The following PHF10 variants were observed in gnomAD, a reference collection of about 807,000 sequenced individuals.
PHF10 encodes the protein PHD finger protein 10, also known as BRG1-associated factor 45a.
In PHF10, 51 loss-of-function variants were observed where a neutral mutation model predicts 68.5. That is an observed-to-expected ratio of 0.74 (90% CI 0.59 to 0.94). The LOEUF (loss-of-function observed/expected upper bound fraction) is 0.94, where lower values mean the gene tolerates loss of function less well. Ranked by LOEUF, PHF10 falls within the 40% of genes least tolerant of loss-of-function variation. The pLI is 0.00. For missense variants in PHF10, 460 were observed against 602.6 expected, an observed-to-expected ratio of 0.76 and a Z score of 2.48; for synonymous variants, 204 against 203.5, an observed-to-expected ratio of 1.00 and a Z score of -0.02.
rs17860613 is a variant in PHF10, at chr6:169,715,683, G to A, written c.693+25C>T. 10,651 of 1,597,664 alleles carry A rather than the reference G, an allele frequency of 6.7e-3. 99 individuals are homozygous for A. The highest frequency in any genetic ancestry group is 0.038 in the African/African-American group (2,861 of 74,454). The stretch of plus-strand genomic sequence containing the variant: ...TAACAAGTAATAAACTAAGTTCAGG[G>A]GGTACTAAATTTAAGTTATCCTACA... On this transcript the variant is annotated intron_variant, in intron 6 of 11. Transcript: ENST00000339209.
chr6:169,705,202 TTTC>T lies in PHF10; in HGVS notation c.1339_1341del (p.Glu447del), dbSNP rs1380565441. ...CTGTCACACATATCACAGAACATCA[TTTC>T]TTCTTCATGGTGGGGTTGTCCACAT... On this transcript the variant is annotated inframe_deletion, in exon 11 of 12. Transcript: ENST00000339209. The T allele has an allele frequency of 5.0e-6, 8 of 1,613,892 alleles. No individual in the cohort carries two copies. Among genetic ancestry groups the T allele is most frequent in the South Asian group, 1.1e-5 (1 of 91,066 alleles).
chr6:169,712,360 T>C (rs1378521038), intron 8 of PHF10, 26 bp downstream of exon 8: 1 of 1,601,006 alleles, frequency 6.2e-7, no homozygotes, highest in East Asian at 2.2e-5. Flanking sequence ...AAGGAAATGC[T>C]TCCTACTAGA....
rs751486851 is a variant in PHF10, at chr6:169,710,371, T to C, written c.978A>G (p.Val326=). 2 of 1,612,738 alleles carry C rather than the reference T, an allele frequency of 1.2e-6. No homozygotes were observed. The highest frequency in any genetic ancestry group is 1.1e-5 in the South Asian group (1 of 91,042). The change falls in exon 9 of 12, where the codon GTA becomes GTG. Residue 326 remains valine (V), a synonymous_variant. Transcript: ENST00000339209. Reference sequence around the variant, plus strand: ...TGTCAGGAGGGCTTTCCCCTTCAGATACATTGCCAGAGGAGCTGTCCTGGA... The same window carrying C: ...TGTCAGGAGGGCTTTCCCCTTCAGACACATTGCCAGAGGAGCTGTCCTGGA... ...KGTSDSSSGN[V]SEGESPPDSQ...
chr6:169,714,647 C>A, intron 7 of PHF10, 86 bp downstream of exon 7: 1 of 748,124 alleles, frequency 1.3e-6, no homozygotes, highest in Non-Finnish European at 2.4e-6. Flanking sequence ...ATCTATAGAC[C>A]CCAAAATTGT....
Position 169,705,137 on chromosome 6 carries a change from T to C in PHF10, c.1407A>G (p.Pro469=), listed in dbSNP as rs768878678. The C allele has an allele frequency of 6.3e-7, 1 of 1,597,574 alleles. No homozygotes were observed. Among genetic ancestry groups the C allele is most frequent in the South Asian group, 1.1e-5 (1 of 88,250 alleles). The change falls in exon 11 of 12, where the codon CCA becomes CCG. Residue 469 remains proline, a synonymous_variant. Transcript: ENST00000339209. ...HTFCVGLGAI[P]SGRWICDCCQ... is the part of the protein sequence containing the mutation. ...TGCTCTTTTTTTAATCTTTACCTGA[T>C]GGAATAGCACCAAGGCCCACACAAA... is the stretch of plus-strand genomic sequence containing the variant.
At position 169,705,743 on chromosome 6, in the gene PHF10, GCT is replaced by G. The variant is rs760647087; in HGVS notation, c.1114-21_1114-20del. On this transcript the variant is annotated intron_variant, in intron 9 of 11. Transcript: ENST00000339209. ...CCTTTGGCTGGAAGGGTAGAAGAGG[GCT>G]ATAAATTCATGCCAGAAGAGCTTAC... 4 of 1,179,922 alleles carry G rather than the reference GCT, an allele frequency of 3.4e-6. No individual in the cohort carries two copies. Among genetic ancestry groups the G allele is most frequent in the Non-Finnish European group, 5.1e-6 (4 of 784,170 alleles). The allele number at this position is 1,179,922 out of a possible 1,614,324, so 73.1% of individuals were successfully genotyped here. A position where few individuals can be genotyped will look rare whatever the true frequency, so the allele number is the denominator to read the frequency against.
At chr6:169,719,770 T>C (rs1789134219) in intron 2 of PHF10, among the ~76,000 whole-genome samples, 2 of 151,970 alleles carry the variant, frequency 1.3e-5, no homozygotes, top group South Asian at 2.1e-4. Flanking sequence ...GATTTGAAGG[T>C]AGATTCTTAC....
intron 9 of PHF10, among the ~76,000 whole-genome samples, chr6:169,706,641 T>C (rs188443071): frequency 6.6e-6 from 1 of 151,810 alleles, no homozygotes; most frequent in African/African-American, 2.4e-5. Context: ...ACTCATGCTA[T>C]AGAAATAAGT....
chr6:169,719,573 A>T (rs1000370325), intron 2 of PHF10, among the ~76,000 whole-genome samples: 1 of 152,198 alleles, frequency 6.6e-6, no homozygotes, highest in African/African-American at 2.4e-5. Flanking sequence ...GCATCCATCT[A>T]TTTAAAAAGT....
intron 11 of PHF10, 92 bp from the exon 12 acceptor site, chr6:169,704,180 AATG>A: frequency 1.2e-6 from 1 of 867,414 alleles, no homozygotes; most frequent in Non-Finnish European, 1.7e-6. Context: ...AGCTATCACT[AATG>A]ATATTCCTCT....
Position 169,724,300 on chromosome 6 carries a change from G to C in PHF10, c.-369C>G. On this transcript the variant is annotated 5_prime_UTR_variant, in exon 1 of 12. Transcript: ENST00000339209. ...GTTGCCCCCCACAGCTCCGCCGCTG[G>C]CCTCAGCGCCGCCGCGACTCCCTTC... 8.2e-6 allele frequency among the ~76,000 whole-genome samples: 1 copy of C among 122,680 alleles called. No homozygotes were observed. The highest frequency in any genetic ancestry group is 3.1e-5 in the African/African-American group (1 of 32,150). The allele number at this position is 122,680 out of a possible 152,430, so 80.5% of individuals were successfully genotyped here.
chr6:169,717,248 T>TA lies in PHF10; in HGVS notation c.409+574dup, dbSNP rs760405836. On this transcript the variant is annotated intron_variant, in intron 4 of 11. Transcript: ENST00000339209. ...TGGACAACAGAGAGAGACTCTGTGT[T>TA]AAAAAAAAGAGAAAAATTAGACAAT... Among the ~76,000 whole-genome samples the TA allele has an allele frequency of 1.9e-3, 293 of 151,940 alleles. 2 individuals are homozygous for TA. The highest frequency in any genetic ancestry group is 1.1e-3 in the African/African-American group (47 of 41,444).
chr6:169,709,642 C>G (rs944708776), intron 9 of PHF10: 1 of 152,152 alleles, frequency 6.6e-6, no homozygotes, highest in Non-Finnish European at 1.5e-5. Context: ...TGTTTTAATT[C>G]TTGCCATAGA....
At position 169,704,051 on chromosome 6, in the gene PHF10, TGGG is replaced by T. The variant is rs754137375; in HGVS notation, c.1446_1448del (p.Pro483del). The T allele has an allele frequency of 1.3e-6, 2 of 1,587,356 alleles. No individual in the cohort carries two copies. Among genetic ancestry groups the T allele is most frequent in the African/African-American group, 2.7e-5 (2 of 73,000 alleles). On this transcript the variant is annotated inframe_deletion, in exon 12 of 12. Transcript: ENST00000339209. Reference sequence around the variant, plus strand: ...CCCTTCTGCCCACTTTCCTGGGTGTTGGGGGGGCCCGCTGACAACAGTCACAAA... The same window carrying T: ...CCCTTCTGCCCACTTTCCTGGGTGTTGGGGCCCGCTGACAACAGTCACAAA...
At chr6:169,713,674 T>G (rs1041508187) in intron 7 of PHF10, among the ~76,000 whole-genome samples, 4 of 151,978 alleles carry the variant, frequency 2.6e-5, no homozygotes, top group African/African-American at 9.7e-5. Flanking sequence ...ATTTAAAAAA[T>G]CTTTTTTTAT....
rs1258923369 is a variant in PHF10 at position 169,712,467 on chromosome 6, G to A, written c.876C>T (p.Leu292=). 1 of 1,613,920 alleles carries A rather than the reference G, an allele frequency of 6.2e-7. No individual in the cohort carries two copies. Among genetic ancestry groups the A allele is most frequent in the Non-Finnish European group, 8.5e-7 (1 of 1,179,820 alleles). The change falls in exon 8 of 12, where the codon CTC becomes CTT. Residue 292 remains leucine (L), a synonymous_variant. Transcript: ENST00000339209. Reference sequence around the variant, plus strand: ...AATCACCATCACTGTCTAGAGCAGGGAGCTCAGGATCCAGAGGGGGCTCAT... The same window carrying A: ...AATCACCATCACTGTCTAGAGCAGGAAGCTCAGGATCCAGAGGGGGCTCAT... ...ALYEPPLDPE[L]PALDSDGDSD...
At chr6:169,712,626 T>C in intron 7 of PHF10, 87 bp from the exon 8 acceptor site, 1 of 1,126,306 alleles carries the variant, frequency 8.9e-7, no homozygotes, top group South Asian at 1.7e-5. Flanking sequence ...AGCCTTAAAC[T>C]TCTTGAGTAA....
chr6:169,703,952 C>A lies in PHF10; in HGVS notation c.*51G>T, dbSNP rs1788649970. On this transcript the variant is annotated 3_prime_UTR_variant, in exon 12 of 12. Coordinates refer to ENST00000339209, the MANE Select transcript of PHF10 (RefSeq NM_018288.4). ...GGCATGAAAATAATGTTGTAAATGG[C>A]ACCAAATATTCCACTTAAATGCATA... The A allele has an allele frequency of 7.4e-7, 1 of 1,348,738 alleles. No individual in the cohort carries two copies. The highest frequency in any genetic ancestry group is 2.6e-5 in the East Asian group (1 of 38,196). 83.5% of individuals were successfully genotyped at this position (1,348,738 alleles called of 1,614,324 possible).
Position 169,705,228 on chromosome 6 carries a change from C to T in PHF10, c.1316G>A (p.Cys439Tyr), listed in dbSNP as rs1788740055. ...TTCTTCTTCATGGTGGGGTTGTCCA[C>T]ATATAATGCATGTTTTACATTCCAT... is the stretch of plus-strand genomic sequence containing the variant. ...QCMECKTCII[C>Y]GQPHHEEEMM... Residue 439 changes from cysteine (C) to tyrosine (Y), a missense_variant, in exon 11 of 12, where the codon TGT becomes TAT. This residue lies in a region of PHF10 where 111 missense variants were observed against 109.7 expected (regional missense o/e 1.01). Coordinates refer to ENST00000339209, the MANE Select transcript of PHF10 (RefSeq NM_018288.4). 4 of 1,613,400 alleles carry T rather than the reference C, an allele frequency of 2.5e-6. No homozygotes were observed. Among genetic ancestry groups the T allele is most frequent in the Non-Finnish European group, 3.4e-6 (4 of 1,179,366 alleles).
Sources: allele counts gnomAD v4.1 joint callset (sites outside exome capture counted in the v4.1 genomes callset), GRCh38; gene constraint gnomAD v4.1.1; regional missense constraint gnomAD v4.1.1; transcripts MANE v1.5; gene names NCBI Gene and HGNC (gene_info 2026-07-23, HGNC 2026-07-21).